Variants in ITPR2 observed in about 807,000 individuals in gnomAD.
The protein encoded by ITPR2 is inositol 1,4,5-trisphosphate receptor type 2.
A neutral mutation model predicts 317.1 loss-of-function variants in ITPR2; 207 were observed. That is an observed-to-expected ratio of 0.65 (90% CI 0.58 to 0.73). The LOEUF (loss-of-function observed/expected upper bound fraction) is 0.73, where lower values mean the gene tolerates loss of function less well. Ranked by LOEUF, ITPR2 falls within the 30% of genes least tolerant of loss-of-function variation. The pLI, the probability that ITPR2 is intolerant of heterozygous loss-of-function variation, is 0.00. For missense variants in ITPR2, 2,613 were observed against 3,284.0 expected, an observed-to-expected ratio of 0.80 and a Z score of 4.99; for synonymous variants, 1,156 against 1,149.1, an observed-to-expected ratio of 1.01 and a Z score of -0.12.
intron 45 of ITPR2, among the ~76,000 whole-genome samples, chr12:26,459,591 T>C (rs1941965587): frequency 6.6e-6 from 1 of 152,230 alleles, no homozygotes; most frequent in Non-Finnish European, 1.5e-5. Flanking sequence ...CCACCCTCTT[T>C]TGTGAATCTC....
intron 13 of ITPR2, among the ~76,000 whole-genome samples, chr12:26,681,234 A>C (rs1200256140): frequency 6.6e-6 from 1 of 152,222 alleles, no homozygotes; most frequent in Non-Finnish European, 1.5e-5. Flanking sequence ...TAAAACAGGA[A>C]TACCTATTTC....
chr12:26,699,122 T>C (rs1360948464), intron 9 of ITPR2, among the ~76,000 whole-genome samples: 3 of 152,026 alleles, frequency 2.0e-5, no homozygotes, highest in African/African-American at 7.2e-5. Context: ...CACATTAGAA[T>C]GGTTATTACA....
intron 34 of ITPR2, among the ~76,000 whole-genome samples, chr12:26,563,286 C>T (rs1236962237): frequency 5.9e-5 from 9 of 152,158 alleles, no homozygotes; most frequent in Non-Finnish European, 7.4e-5. Context: ...AGAGGTAAAA[C>T]GTGGGCTGGG....
At chr12:26,340,088 C>T in intron 56 of ITPR2, 79 bp downstream of exon 56, 11 of 1,384,424 alleles carry the variant, frequency 7.9e-6, no homozygotes, top group Non-Finnish European at 1.1e-5. Flanking sequence ...GACCTGGCTC[C>T]CTGGACCCTC....
Position 26,655,761 on chromosome 12 carries a change from C to A in ITPR2, c.2536G>T (p.Val846Leu), listed in dbSNP as rs767554103. The A allele has an allele frequency of 1.9e-6, 3 of 1,613,002 alleles. No individual in the cohort carries two copies. Among genetic ancestry groups the A allele is most frequent in the Middle Eastern group, 1.7e-4 (1 of 6,052 alleles). ...EFVEEYLKEV[V>L]NQPFPFGDKE... ...TCCCCAAAAGGAAAGGGCTGGTTTACAACTTCTTTCAAATATTCTTCAACA... is the reference window on the plus strand; with the variant it reads ...TCCCCAAAAGGAAAGGGCTGGTTTAAAACTTCTTTCAAATATTCTTCAACA... The change falls in exon 20 of 57, where the codon GTA becomes TTA. Residue 846 changes from valine (V) to leucine (L), a missense_variant. By Grantham distance (32) the Val-to-Leu change is conservative. This residue lies in a region of ITPR2 where 817 missense variants were observed against 897.6 expected (regional missense o/e 0.91). Coordinates refer to ENST00000381340, the MANE Select transcript of ITPR2 (RefSeq NM_002223.4).
At chr12:26,497,318 T>A (rs1942959185) in intron 37 of ITPR2, among the ~76,000 whole-genome samples, 1 of 151,886 alleles carries the variant, frequency 6.6e-6, no homozygotes, top group African/African-American at 2.4e-5. Context: ...CACACCCAGC[T>A]AATTTTTTTG....
chr12:26,600,266 C>T lies in ITPR2; in HGVS notation c.3679-157G>A, dbSNP rs1398745278. On this transcript the variant is annotated intron_variant, in intron 28 of 56. Coordinates refer to ENST00000381340, the MANE Select transcript of ITPR2 (RefSeq NM_002223.4). Reference sequence around the variant, plus strand: ...TGTTTCACACCTCTCCCAGTTTCCCCTCCTGTCCCTCTTCTCTGTTTTCTA... The same window carrying T: ...TGTTTCACACCTCTCCCAGTTTCCCTTCCTGTCCCTCTTCTCTGTTTTCTA... Among the ~76,000 whole-genome samples, 3 of 152,062 alleles carry T rather than the reference C, an allele frequency of 2.0e-5. No homozygotes were observed. In the East Asian group the frequency reaches 5.8e-4, roughly 29 times the overall value.
chr12:26,502,012 T>C (rs933918644), intron 37 of ITPR2, among the ~76,000 whole-genome samples: 1 of 152,184 alleles, frequency 6.6e-6, no homozygotes, highest in African/African-American at 2.4e-5. Context: ...CCACTCTGAG[T>C]TTATCAAATA....
rs376560685 is a variant in ITPR2, at chr12:26,772,523, T to TTATATATATAATACATGTATTA, written c.163+17633_163+17634insTAATACATGTATTATATATATA. Among the ~76,000 whole-genome samples the TTATATATATAATACATGTATTA allele has an allele frequency of 7.9e-4, 72 of 90,948 alleles. 3 individuals are homozygous for TTATATATATAATACATGTATTA. The highest frequency in any genetic ancestry group is 1.6e-3 in the Non-Finnish European group (63 of 39,876). The allele number at this position is 90,948 out of a possible 152,430, so 59.7% of individuals were successfully genotyped here. A position where few individuals can be genotyped will look rare whatever the true frequency, so the allele number is the denominator to read the frequency against. On this transcript the variant is annotated intron_variant, in intron 2 of 56. Coordinates refer to ENST00000381340, the MANE Select transcript of ITPR2 (RefSeq NM_002223.4). ...TACATGTATTATATATAATACATTA[T>TTATATATATAATACATGTATTA]TATATATAATACATGTATTATATAT...
chr12:26,474,221 A>G (rs1294775249), intron 45 of ITPR2, among the ~76,000 whole-genome samples: 1 of 152,224 alleles, frequency 6.6e-6, no homozygotes, highest in Non-Finnish European at 1.5e-5. Flanking sequence ...AACTGATAAA[A>G]CGTACAGGGA....
intron 1 of ITPR2, among the ~76,000 whole-genome samples, chr12:26,796,010 G>C (rs1438679827): frequency 1.5e-5 from 2 of 136,702 alleles, no homozygotes; most frequent in South Asian, 2.7e-4. Context: ...GGGGGGGGGG[G>C]CAACACACAA....
chr12:26,816,470 C>CA (rs1950854127), intron 1 of ITPR2, among the ~76,000 whole-genome samples: 1 of 152,134 alleles, frequency 6.6e-6, no homozygotes, highest in Non-Finnish European at 1.5e-5. Context: ...TTGTCGGAAC[C>CA]AAAAGCCCAT....
chr12:26,372,407 G>A (rs756060216), intron 55 of ITPR2, among the ~76,000 whole-genome samples: 3 of 152,160 alleles, frequency 2.0e-5, no homozygotes, highest in Non-Finnish European at 2.9e-5. Context: ...GTTAGATAAT[G>A]CAAAAACATT....
At chr12:26,484,906 G>A (rs1388335063) in intron 41 of ITPR2, among the ~76,000 whole-genome samples, 1 of 152,202 alleles carries the variant, frequency 6.6e-6, no homozygotes, top group East Asian at 1.9e-4. Flanking sequence ...TAGTAGAGAC[G>A]GGGTTTCACT....
At chr12:26,660,025 C>T (rs1245778362) in intron 15 of ITPR2, among the ~76,000 whole-genome samples, 2 of 152,136 alleles carry the variant, frequency 1.3e-5, no homozygotes, top group Non-Finnish European at 2.9e-5. Context: ...GAAGAAGTGA[C>T]ATTTGAGCTA....
intron 21 of ITPR2, among the ~76,000 whole-genome samples, chr12:26,640,039 G>T (rs1946950969): frequency 6.6e-6 from 1 of 152,158 alleles, no homozygotes; most frequent in South Asian, 2.1e-4. Flanking sequence ...ATAAGTTTGT[G>T]TTGGGTTCTA....
intron 28 of ITPR2, 82 bp from the exon 29 acceptor site, chr12:26,600,191 T>C: frequency 8.1e-7 from 1 of 1,241,334 alleles, no homozygotes; most frequent in Non-Finnish European, 1.1e-6. Context: ...TTCACCCACA[T>C]ACCATTTTTC....
At chr12:26,687,324 G>A (rs759925207) in intron 10 of ITPR2, among the ~76,000 whole-genome samples, 4 of 152,080 alleles carry the variant, frequency 2.6e-5, no homozygotes, top group Non-Finnish European at 4.4e-5. Flanking sequence ...CTGGTTGCAC[G>A]AGAAACCAAA....
chr12:26,541,873 A>G (rs1292772689), intron 37 of ITPR2, among the ~76,000 whole-genome samples: 1 of 151,694 alleles, frequency 6.6e-6, no homozygotes, highest in Admixed American at 6.6e-5. Flanking sequence ...AGGAGTCAGT[A>G]TATTTTAGAG....
Sources: gnomAD v4.1 joint callset for allele counts (sites outside exome capture counted in the v4.1 genomes callset) on GRCh38, gnomAD v4.1.1 for gene constraint, gnomAD v4.1.1 regional missense constraint, MANE v1.5 for transcripts, NCBI Gene and HGNC (gene_info 2026-07-23, HGNC 2026-07-21) for gene names.